Variants in SPAG16 observed in about 807,000 individuals in gnomAD.
The protein encoded by SPAG16 is sperm-associated antigen 16 protein.
In SPAG16, 86 loss-of-function variants were observed where a neutral mutation model predicts 80.4. The observed-to-expected ratio is 1.07, with a 90% confidence interval of 0.90 to 1.28. SPAG16 has a LOEUF of 1.28. SPAG16 is among the 50% of genes most tolerant of loss of function. SPAG16 has a pLI of 0.00. For synonymous variants in SPAG16, 294 were observed against 265.9 expected, an observed-to-expected ratio of 1.11 and a Z score of -1.03; for missense variants, 870 against 765.3, an observed-to-expected ratio of 1.14 and a Z score of -1.61.
intron 10 of SPAG16, among the ~76,000 whole-genome samples, chr2:213,542,630 A>G (rs756527978): frequency 6.6e-6 from 1 of 152,144 alleles, no homozygotes; most frequent in Non-Finnish European, 1.5e-5. Context: ...AACAACAAAT[A>G]CTAAGTATAA....
At chr2:213,713,905 T>G (rs1248738138) in intron 10 of SPAG16, among the ~76,000 whole-genome samples, 3 of 152,216 alleles carry the variant, frequency 2.0e-5, no homozygotes, top group African/African-American at 7.2e-5. Flanking sequence ...TAAAATCATG[T>G]TCTTCTTACA....
Position 214,364,882 on chromosome 2 carries a change from G to T in SPAG16, c.1721-45258G>T, listed in dbSNP as rs148822492. 1.3e-3 allele frequency among the ~76,000 whole-genome samples: 193 copies of T among 152,188 alleles called. 1 individual carries two copies. Among genetic ancestry groups the T allele is most frequent in the African/African-American group, 4.1e-3 (172 of 41,532 alleles). On this transcript the variant is annotated intron_variant, in intron 15 of 15. Coordinates refer to ENST00000331683, the MANE Select transcript of SPAG16 (RefSeq NM_024532.5). ...ATATATGGTTTGTGAGCAGAGAGGT[G>T]TACCTTTCTCAAATTTATAGCTTTA...
At chr2:213,546,514 T>G (rs1276876837) in intron 10 of SPAG16, among the ~76,000 whole-genome samples, 1 of 152,186 alleles carries the variant, frequency 6.6e-6, no homozygotes, top group Non-Finnish European at 1.5e-5. Flanking sequence ...ATAATCACAA[T>G]TTAACTCAAC....
chr2:213,585,696 A>T (rs998003008), intron 10 of SPAG16, among the ~76,000 whole-genome samples: 3 of 152,200 alleles, frequency 2.0e-5, no homozygotes, highest in African/African-American at 7.2e-5. Context: ...TTGCATTTAA[A>T]TTCACTCACT....
chr2:214,226,876 T>C (rs2125789647), intron 15 of SPAG16, among the ~76,000 whole-genome samples: 1 of 152,112 alleles, frequency 6.6e-6, no homozygotes, highest in East Asian at 1.9e-4. Flanking sequence ...TCTTTGAAAA[T>C]TTCACCCCAT....
chr2:213,660,455 G>A (rs1045415341), intron 10 of SPAG16, among the ~76,000 whole-genome samples: 14 of 152,088 alleles, frequency 9.2e-5, no homozygotes, highest in Non-Finnish European at 1.6e-4. Flanking sequence ...AAAGCTGAGT[G>A]TTGGGAAAAA....
chr2:214,256,823 TATA>T (rs36065594), intron 15 of SPAG16, among the ~76,000 whole-genome samples: 19,756 of 151,916 alleles, frequency 0.13, 1,326 homozygotes, highest in East Asian at 0.18. Flanking sequence ...AATGTAGCAT[TATA>T]ATAAGTCTTA....
chr2:213,883,615 A>C (rs2106039174), intron 11 of SPAG16, among the ~76,000 whole-genome samples: 1 of 152,266 alleles, frequency 6.6e-6, no homozygotes, highest in African/African-American at 2.4e-5. Context: ...ACAGTTTTGA[A>C]GTCTCCCACT....
intron 10 of SPAG16, among the ~76,000 whole-genome samples, chr2:213,814,511 C>T (rs2072389103): frequency 6.6e-6 from 1 of 152,050 alleles, no homozygotes; most frequent in South Asian, 2.1e-4. Flanking sequence ...AGAATAATAG[C>T]CCAAGTGAAG....
chr2:213,462,570 G>C (rs1014684513), intron 9 of SPAG16, among the ~76,000 whole-genome samples: 1 of 152,042 alleles, frequency 6.6e-6, no homozygotes, highest in Non-Finnish European at 1.5e-5. Flanking sequence ...TGAATAGTGG[G>C]GGTGGTTTTC....
intron 15 of SPAG16, among the ~76,000 whole-genome samples, chr2:214,385,487 C>T (rs377012469): frequency 7.2e-5 from 11 of 152,260 alleles, no homozygotes; most frequent in South Asian, 2.1e-4. Flanking sequence ...ATGATCTTAA[C>T]GAGTTCTTTA....
At chr2:214,048,662 T>C (rs1252770184) in intron 13 of SPAG16, among the ~76,000 whole-genome samples, 3 of 152,272 alleles carry the variant, frequency 2.0e-5, no homozygotes, top group Admixed American at 2.0e-4. Context: ...AGGGTGACTA[T>C]AATAAAAATT....
At chr2:214,301,454 G>A (rs1694547602) in intron 15 of SPAG16, among the ~76,000 whole-genome samples, 1 of 152,054 alleles carries the variant, frequency 6.6e-6, no homozygotes, top group African/African-American at 2.4e-5. Context: ...CATAGTACTG[G>A]AAGTCCTAAC....
chr2:213,566,198 A>C (rs1290458115), intron 10 of SPAG16, among the ~76,000 whole-genome samples: 1 of 152,198 alleles, frequency 6.6e-6, no homozygotes, highest in African/African-American at 2.4e-5. Context: ...TTGTGTGGTT[A>C]GGTCGTTGGA....
chr2:213,850,848 A>C, intron 10 of SPAG16, among the ~76,000 whole-genome samples: 1 of 152,128 alleles, frequency 6.6e-6, no homozygotes, highest in East Asian at 1.9e-4. Context: ...TTTTGAGTTG[A>C]ATGTTATAAA....
chr2:213,906,199 G>A (rs2077426092), intron 11 of SPAG16, among the ~76,000 whole-genome samples: 1 of 148,908 alleles, frequency 6.7e-6, no homozygotes. Flanking sequence ...CACCTCAGCA[G>A]CCTTTCTATG....
At chr2:213,497,752 T>C (rs1286784128) in intron 10 of SPAG16, among the ~76,000 whole-genome samples, 1 of 152,128 alleles carries the variant, frequency 6.6e-6, no homozygotes, top group Non-Finnish European at 1.5e-5. Flanking sequence ...GAAATGAAAC[T>C]ATGCTTTTCT....
At chr2:214,152,688 C>T (rs1576361790) in intron 15 of SPAG16, among the ~76,000 whole-genome samples, 2 of 152,074 alleles carry the variant, frequency 1.3e-5, no homozygotes, top group African/African-American at 4.8e-5. Context: ...CCCCGAATGT[C>T]TGGCTGTGCT....
intron 4 of SPAG16, among the ~76,000 whole-genome samples, chr2:213,311,051 G>A (rs2126117986): frequency 6.6e-6 from 1 of 151,610 alleles, no homozygotes; most frequent in East Asian, 1.9e-4. Context: ...CATCTTCTGA[G>A]AACATGCACA....
Sources: allele counts gnomAD v4.1 joint callset (sites outside exome capture counted in the v4.1 genomes callset), GRCh38; gene constraint gnomAD v4.1.1; transcripts MANE v1.5; gene names NCBI Gene and HGNC (gene_info 2026-07-23, HGNC 2026-07-21).